The following ATM variants were observed in gnomAD, a reference collection of about 807,000 sequenced individuals.
The protein encoded by ATM is ATM serine/threonine kinase.
A neutral mutation model predicts 387.0 loss-of-function variants in ATM; 308 were observed. The observed-to-expected ratio is 0.80, with a 90% CI of 0.73 to 0.87. The LOEUF is 0.87. ATM is among the 40% of genes least tolerant of loss of function. ATM has a pLI of 0.00. For missense variants in ATM, 3,312 were observed against 3,560.9 expected (o/e 0.93, Z 1.78); for synonymous variants, 1,156 against 1,187.3 (o/e 0.97, Z 0.54).
intron 48 of ATM, 56 bp downstream of exon 48, chr11:108,327,814 T>G: frequency 1.6e-6 from 2 of 1,260,402 alleles, no homozygotes; most frequent in Non-Finnish European, 2.3e-6. Flanking sequence ...ATGCTTCATC[T>G]TTTCATCAAG....
At position 108,326,152 on chromosome 11, in the gene ATM, C is replaced by CA. The variant is rs773570504; in HGVS notation, c.6908dup (p.Glu2304GlyfsTer69). Reference sequence around the variant, plus strand: ...CTGGAAGAAGCACAAGTATTCTGGGCAAAAAAGGAGCAGAGTCTTGCCCTG... The same window carrying CA: ...CTGGAAGAAGCACAAGTATTCTGGGCAAAAAAAGGAGCAGAGTCTTGCCCTG... On this transcript the variant is annotated frameshift_variant, in exon 47 of 63. Coordinates refer to ENST00000675843, the MANE Select transcript of ATM (RefSeq NM_000051.4). LOFTEE classifies it high-confidence loss of function. The CA allele has an allele frequency of 9.3e-6, 15 of 1,613,600 alleles. No homozygotes were observed. The highest frequency in any genetic ancestry group is 1.7e-6 in the Non-Finnish European group (2 of 1,179,910).
At chr11:108,347,133 C>A in intron 58 of ATM, 146 bp from the exon 59 acceptor site, 1 of 692,394 alleles carries the variant, frequency 1.4e-6, no homozygotes, top group South Asian at 1.6e-5. Context: ...CTCAACATGG[C>A]CGGTTATGCA....
chr11:108,327,474 A>T, intron 47 of ATM, 171 bp from the exon 48 acceptor site: 1 of 585,150 alleles, frequency 1.7e-6, no homozygotes, highest in East Asian at 3.0e-5. Flanking sequence ...ATCATTTCCT[A>T]CATGGGATTA....
chr11:108,257,301 G>A (rs2135403053), intron 14 of ATM, among the ~76,000 whole-genome samples, 180 bp from the exon 15 acceptor site: 1 of 152,264 alleles, frequency 6.6e-6, no homozygotes, highest in East Asian at 1.9e-4. Flanking sequence ...TTAAAAAATT[G>A]TTAATGAGTT....
rs761363095 is a variant in ATM at position 108,297,404 on chromosome 11, C to T, written c.5005+22C>T. On this transcript the variant is annotated intron_variant, in intron 33 of 62. Coordinates refer to ENST00000675843, the MANE Select transcript of ATM (RefSeq NM_000051.4). ...CTAGGTAAACTACAGTCATGCGCTG[C>T]GTGACATTTCAGTCAACTGCGGATC... The T allele has an allele frequency of 3.5e-5, 55 of 1,567,302 alleles. No homozygotes were observed. The East Asian group carries it at 7.4e-4, about 21-fold the overall frequency.
chr11:108,293,436 C>T lies in ATM; in HGVS notation c.4735C>T (p.Gln1579Ter), dbSNP rs869312755. The T allele has an allele frequency of 6.2e-7, 1 of 1,612,362 alleles. No homozygotes were observed. The highest frequency in any genetic ancestry group is 8.5e-7 in the Non-Finnish European group (1 of 1,179,020). The change falls in exon 31 of 63, where the codon CAA becomes TAA. Residue 1579 changes from glutamine to a stop codon, truncating the protein, a stop_gained. Transcript: ENST00000675843. LOFTEE classifies it high-confidence loss of function. ...VVFKDLRITQ[Q>*]KIKYSRGPFS... The stretch of plus-strand genomic sequence containing the variant: ...TTTTAAGGATTTGCGTATTACTCAG[C>T]AAAAAATCAAATACAGTAGAGGACC...
intron 61 of ATM, chr11:108,355,332 C>T (rs2089766440): frequency 5.1e-6 from 1 of 195,512 alleles, no homozygotes; most frequent in African/African-American, 2.4e-5. Flanking sequence ...TAGTTTACTG[C>T]TGGTGCTACC....
intron 5 of ATM, chr11:108,236,135 A>G (rs2079265395): frequency 2.4e-6 from 1 of 410,312 alleles, no homozygotes; most frequent in African/African-American, 2.0e-5. Context: ...ACCAGAGTTC[A>G]TAATGTGCTG....
At chr11:108,238,377 C>G (rs2079402502) in intron 5 of ATM, among the ~76,000 whole-genome samples, 1 of 151,944 alleles carries the variant, frequency 6.6e-6, no homozygotes, top group Non-Finnish European at 1.5e-5. Flanking sequence ...GTCTCAAACT[C>G]CTGGGCTCAA....
chr11:108,260,499 G>A (rs1242690126), intron 16 of ATM, among the ~76,000 whole-genome samples: 4 of 152,134 alleles, frequency 2.6e-5, no homozygotes, highest in South Asian at 2.1e-4. Flanking sequence ...AAAGGAATGT[G>A]AATTTTACTT....
intron 4 of ATM, among the ~76,000 whole-genome samples, chr11:108,234,666 C>T (rs1455071152): frequency 6.6e-6 from 1 of 151,512 alleles, no homozygotes; most frequent in African/African-American, 2.4e-5. Context: ...GTGAGAGATT[C>T]TGTCTCTATG....
intron 8 of ATM, among the ~76,000 whole-genome samples, chr11:108,248,367 C>T (rs1347235905): frequency 6.6e-6 from 1 of 152,024 alleles, no homozygotes; most frequent in Admixed American, 6.5e-5. Flanking sequence ...TTTTAGATTT[C>T]TTAGTGCTTT....
intron 40 of ATM, among the ~76,000 whole-genome samples, chr11:108,314,113 C>T (rs1457799117): frequency 1.3e-5 from 2 of 151,830 alleles, no homozygotes; most frequent in Admixed American, 6.6e-5. Context: ...TTCTAATGTA[C>T]AGTTTTTTTG....
At chr11:108,253,609 G>C (rs1481809673) in intron 12 of ATM, among the ~76,000 whole-genome samples, 1 of 151,992 alleles carries the variant, frequency 6.6e-6, no homozygotes, top group Non-Finnish European at 1.5e-5. Context: ...AGTAAAATTT[G>C]CTACTGAATA....
rs1310769991 is a variant in ATM, at chr11:108,268,629, G to A, written c.2838+20G>A. On this transcript the variant is annotated intron_variant, in intron 18 of 62. Transcript: ENST00000675843. ...CATATGGTGAGTTACGTTAAATGAA[G>A]AAGCTCTTGGATTTTATCTGATGTT... 6.2e-6 allele frequency: 10 copies of A among 1,609,512 alleles called. No homozygotes were observed. The highest frequency in any genetic ancestry group is 2.7e-5 in the African/African-American group (2 of 74,788).
At chr11:108,265,026 A>G (rs1488997008) in intron 16 of ATM, among the ~76,000 whole-genome samples, 3 of 142,568 alleles carry the variant, frequency 2.1e-5, no homozygotes, top group Non-Finnish European at 4.6e-5. Flanking sequence ...ATGGGTAGGA[A>G]GAATCAATAT....
At chr11:108,292,847 A>G (rs563640605) in intron 30 of ATM, 54 bp downstream of exon 30, 1 of 1,582,922 alleles carries the variant, frequency 6.3e-7, no homozygotes, top group Admixed American at 1.7e-5. Context: ...AAGTATTGTT[A>G]GAAGGATTTG....
chr11:108,287,588 G>A lies in ATM; in HGVS notation c.3994-12G>A, dbSNP rs1057520398. On this transcript the variant is annotated splice_polypyrimidine_tract_variant and intron_variant, in intron 26 of 62. Coordinates refer to ENST00000675843, the MANE Select transcript of ATM (RefSeq NM_000051.4). ...AAAATATTAAATATATTTTAATTTT[G>A]TGCCCTTGCAGATTGATCACTTATT... 9 of 1,519,854 alleles carry A rather than the reference G, an allele frequency of 5.9e-6. No homozygotes were observed. The highest frequency in any genetic ancestry group is 3.4e-5 in the South Asian group (3 of 88,772). The allele number at this position is 1,519,854 out of a possible 1,614,324, so 94.1% of individuals were successfully genotyped here.
In ATM at chr11:108,229,145, G is replaced by A. The variant is rs777293439; in HGVS notation, c.186-33G>A. On this transcript the variant is annotated intron_variant, in intron 3 of 62. Transcript: ENST00000675843. ...AATTATTATAATTTAAGTATTCAAC[G>A]AGTTTCTGAAATTGCATTTTGTTTT... 129 of 1,591,788 alleles carry A rather than the reference G, an allele frequency of 8.1e-5. No homozygotes were observed. Among genetic ancestry groups the A allele is most frequent in the Non-Finnish European group, 1.1e-4 (123 of 1,165,950 alleles).
Sources: gnomAD v4.1 joint callset for allele counts (sites outside exome capture counted in the v4.1 genomes callset) on GRCh38, gnomAD v4.1.1 for gene constraint, MANE v1.5 for transcripts, NCBI Gene and HGNC (gene_info 2026-07-23, HGNC 2026-07-21) for gene names.